Variants in FBXO39 observed in about 807,000 individuals in gnomAD.
The protein encoded by FBXO39 is F-box only protein 39.
A neutral mutation model predicts 36.6 loss-of-function variants in FBXO39; 22 were observed. The observed-to-expected ratio is 0.60, with a 90% confidence interval of 0.43 to 0.86. The LOEUF (loss-of-function observed/expected upper bound fraction) is 0.86, where lower values mean the gene tolerates loss of function less well. Ranked by LOEUF, FBXO39 falls within the 40% of genes least tolerant of loss-of-function variation. FBXO39 has a pLI of 0.00. For missense variants in FBXO39, 536 were observed against 543.9 expected (o/e 0.99, Z 0.14); for synonymous variants, 206 against 205.8 (o/e 1.00, Z -0.01).
At chr17:6,779,643 C>T in intron 1 of FBXO39, 146 bp from the exon 2 acceptor site, 1 of 567,194 alleles carries the variant, frequency 1.8e-6, no homozygotes, top group South Asian at 2.3e-5. Context: ...GAAATCCTTG[C>T]AGGTGTGGAC....
At position 6,784,532 on chromosome 17, in the gene FBXO39, C is replaced by CAAAAACA. The variant is rs756567464; in HGVS notation, c.1024-2243_1024-2242insCAAAAAA. 2.3e-3 allele frequency among the ~76,000 whole-genome samples: 331 copies of CAAAAACA among 146,992 alleles called. 4 individuals carry two copies. The highest frequency in any genetic ancestry group is 3.9e-3 in the Non-Finnish European group (254 of 64,874). On this transcript the variant is annotated intron_variant, in intron 2 of 3. Transcript: ENST00000321535. Reference sequence around the variant, plus strand: ...CTAAAGACTCCACCAAAAACAAAAACAAAAAAAACTATCAGCTAAACAAAT... The same window carrying CAAAAACA: ...CTAAAGACTCCACCAAAAACAAAAACAAAAACAAAAAAAAACTATCAGCTAAACAAAT...
At chr17:6,784,953 G>GTGTGTATATATATATATA (rs1302291142) in intron 2 of FBXO39, among the ~76,000 whole-genome samples, 6 of 113,830 alleles carry the variant, frequency 5.3e-5, no homozygotes, top group African/African-American at 2.2e-4. Context: ...GTGTGTGTGT[G>GTGTGTATATATATATATA]TATATATATA....
chr17:6,778,760 T>C (rs1431091285), intron 1 of FBXO39, among the ~76,000 whole-genome samples: 3 of 152,182 alleles, frequency 2.0e-5, no homozygotes, highest in Non-Finnish European at 4.4e-5. Context: ...CAGATGGCTA[T>C]AAAATATCTA....
At chr17:6,776,643 C>T (rs911628150) in intron 1 of FBXO39, among the ~76,000 whole-genome samples, 1 of 152,126 alleles carries the variant, frequency 6.6e-6, no homozygotes, top group African/African-American at 2.4e-5. Flanking sequence ...TCCTATCTTC[C>T]TTGGCGGGAC....
At chr17:6,782,162 G>A (rs1404519431) in intron 2 of FBXO39, among the ~76,000 whole-genome samples, 1 of 152,142 alleles carries the variant, frequency 6.6e-6, no homozygotes. Context: ...ATTAGTTTTA[G>A]TTTTGCTGTT....
At chr17:6,783,525 G>T (rs1202986002) in intron 2 of FBXO39, among the ~76,000 whole-genome samples, 3 of 151,816 alleles carry the variant, frequency 2.0e-5, no homozygotes, top group Admixed American at 2.0e-4. Context: ...AAGAAAAAAT[G>T]AGAGAAGACC....
Position 6,787,349 on chromosome 17 carries a change from T to C in FBXO39, c.1250T>C (p.Leu417Pro). ...GAGACGAATGAAGAGGACAAGACCC[T>C]GCAGGAAATTTACAGGAAGTACAGA... is the stretch of plus-strand genomic sequence containing the variant. Reference protein sequence around the residue: ...RYETNEEDKTLQEIYRKYRKL... With the variant: ...RYETNEEDKTPQEIYRKYRKL... Residue 417 changes from leucine (L) to proline (P), a missense_variant, in exon 4 of 4, where the codon CTG (leucine) becomes CCG (proline). Physicochemically the swap from Leu to Pro is moderately conservative, Grantham distance 98 (BLOSUM62 -3). Transcript: ENST00000321535. 6.2e-7 allele frequency: 1 copy of C among 1,614,044 alleles called. No individual in the cohort carries two copies. Among genetic ancestry groups the C allele is most frequent in the Non-Finnish European group, 8.5e-7 (1 of 1,179,990 alleles).
At chr17:6,782,236 T>C (rs1008182167) in intron 2 of FBXO39, among the ~76,000 whole-genome samples, 2 of 152,182 alleles carry the variant, frequency 1.3e-5, no homozygotes, top group African/African-American at 4.8e-5. Context: ...TTACAAGATA[T>C]TGTTTGCAAG....
In FBXO39 at chr17:6,780,479, T is replaced by C. The variant is rs1446841473; in HGVS notation, c.611T>C (p.Phe204Ser). 6.2e-7 allele frequency: 1 copy of C among 1,614,036 alleles called. No homozygotes were observed. Among genetic ancestry groups the C allele is most frequent in the Non-Finnish European group, 8.5e-7 (1 of 1,180,040 alleles). The change falls in exon 2 of 4, where the codon TTC becomes TCC. Residue 204 changes from phenylalanine (F) to serine (S), a missense_variant. Transcript: ENST00000321535. ...VISELNIEDY[F>S]SHHLAVYNSP... ...TCAGAGCTCAACATCGAGGACTATT[T>C]CAGCCATCACCTTGCTGTCTACAAC...
Position 6,780,430 on chromosome 17 carries a change from T to C in FBXO39, c.562T>C (p.Tyr188His), listed in dbSNP as rs1339910521. The C allele has an allele frequency of 2.5e-6, 4 of 1,614,130 alleles. No individual in the cohort carries two copies. Among genetic ancestry groups the C allele is most frequent in the Non-Finnish European group, 3.4e-6 (4 of 1,180,026 alleles). ...CTGCCAAATTCTCGACTCCCTCAGC[T>C]ACATGAGGAATGAGAATGTGATCTC... ...QGCQILDSLS[Y>H]MRNENVISEL... The change falls in exon 2 of 4, where the codon TAC becomes CAC. Residue 188 changes from tyrosine (Y) to histidine (H), a missense_variant. Coordinates refer to ENST00000321535, the MANE Select transcript of FBXO39 (RefSeq NM_153230.3).
At chr17:6,783,878 T>C (rs1363013089) in intron 2 of FBXO39, among the ~76,000 whole-genome samples, 1 of 151,890 alleles carries the variant, frequency 6.6e-6, no homozygotes, top group African/African-American at 2.4e-5. Context: ...TCCAGAAAAA[T>C]AGAAGCAGAG....
chr17:6,779,027 T>C (rs1976469367), intron 1 of FBXO39, among the ~76,000 whole-genome samples: 2 of 152,132 alleles, frequency 1.3e-5, no homozygotes, highest in Admixed American at 1.3e-4. Context: ...CCTTCATGGC[T>C]CTCTGTGACC....
intron 2 of FBXO39, among the ~76,000 whole-genome samples, chr17:6,785,206 TG>T (rs1976556722): frequency 6.6e-6 from 1 of 152,182 alleles, no homozygotes; most frequent in Admixed American, 6.5e-5. Flanking sequence ...AGTGAACTCA[TG>T]TTTGACAAAG....
intron 1 of FBXO39, 53 bp from the exon 2 acceptor site, chr17:6,779,736 T>G: frequency 2.4e-5 from 23 of 976,958 alleles, no homozygotes; most frequent in African/African-American, 3.3e-5. Context: ...CTGGTTCATT[T>G]GAGTTTAATC....
intron 1 of FBXO39, among the ~76,000 whole-genome samples, chr17:6,778,120 C>G (rs552539439): frequency 6.6e-6 from 1 of 152,246 alleles, no homozygotes; most frequent in African/African-American, 2.4e-5. Flanking sequence ...GGATACCTGC[C>G]ATGGGTTCTA....
At chr17:6,787,262 G>A in intron 3 of FBXO39, 38 bp from the exon 4 acceptor site, 1 of 1,611,544 alleles carries the variant, frequency 6.2e-7, no homozygotes. Flanking sequence ...GTGCGTGTGT[G>A]CGTGCTCATA....
At chr17:6,777,125 A>G (rs953721581) in intron 1 of FBXO39, among the ~76,000 whole-genome samples, 3 of 152,016 alleles carry the variant, frequency 2.0e-5, no homozygotes, top group African/African-American at 7.3e-5. Context: ...AAGTTCTGGG[A>G]TACATGTGCA....
chr17:6,780,732 CT>C lies in FBXO39; in HGVS notation c.867del (p.Phe289LeufsTer5). Reference sequence around the variant, plus strand: ...CCACCAATCTGAAGGTGAACTTCTTCTTTGAACGGATCATGAAGTACGAACG... The same window carrying C: ...CCACCAATCTGAAGGTGAACTTCTTCTTGAACGGATCATGAAGTACGAACG... ...QATNLKVNFF[F>X]ERIMKYERLA... is the part of the protein sequence containing the mutation. On this transcript the variant is annotated frameshift_variant, in exon 2 of 4. Coordinates refer to ENST00000321535, the MANE Select transcript of FBXO39 (RefSeq NM_153230.3). LOFTEE classifies it high-confidence loss of function. 3.1e-6 allele frequency: 5 copies of C among 1,614,170 alleles called. No individual in the cohort carries two copies. The highest frequency in any genetic ancestry group is 3.4e-6 in the Non-Finnish European group (4 of 1,180,032).
At position 6,779,831 on chromosome 17, in the gene FBXO39, GC is replaced by G; in HGVS notation, c.-36del. 1 of 1,584,040 alleles carries G rather than the reference GC, an allele frequency of 6.3e-7. No individual in the cohort carries two copies. Among genetic ancestry groups the G allele is most frequent in the South Asian group, 1.1e-5 (1 of 87,776 alleles). Reference sequence around the variant, plus strand: ...TCCTTTCCTCATTTTTGGAAGCCCTGCCTAACACACAGCTGCACTGTACATC... The same window carrying G: ...TCCTTTCCTCATTTTTGGAAGCCCTGCTAACACACAGCTGCACTGTACATC... On this transcript the variant is annotated 5_prime_UTR_variant, in exon 2 of 4. Coordinates refer to ENST00000321535, the MANE Select transcript of FBXO39 (RefSeq NM_153230.3).
Sources: allele counts gnomAD v4.1 joint callset (sites outside exome capture counted in the v4.1 genomes callset), GRCh38; gene constraint gnomAD v4.1.1; transcripts MANE v1.5; gene names NCBI Gene and HGNC (gene_info 2026-07-23, HGNC 2026-07-21).